MCC: variants seen among roughly 807,000 people sequenced by gnomAD.
MCC encodes MCC regulator of Wnt signaling pathway, also known as colorectal mutant cancer protein.
A neutral mutation model predicts 116.2 loss-of-function variants in MCC; 90 were observed. That is an observed-to-expected ratio of 0.77 (90% confidence interval 0.65 to 0.92). The LOEUF (loss-of-function observed/expected upper bound fraction) is 0.92, where lower values mean the gene tolerates loss of function less well. Among genes scored for constraint, MCC ranks in the 40% least tolerant of loss-of-function variants. MCC has a pLI of 0.00. For synonymous variants in MCC, 578 were observed against 510.5 expected (o/e 1.13, Z -1.78); for missense variants, 1,516 against 1,312.2 (o/e 1.16, Z -2.40).
chr5:113,431,188 A>G (rs986131995), intron 1 of MCC, among the ~76,000 whole-genome samples: 1 of 151,890 alleles, frequency 6.6e-6, no homozygotes, highest in Non-Finnish European at 1.5e-5. Context: ...AGAAGAGATG[A>G]AGAAATGGCT....
At chr5:113,226,741 C>A (rs924993093) in intron 3 of MCC, among the ~76,000 whole-genome samples, 1 of 152,158 alleles carries the variant, frequency 6.6e-6, no homozygotes, top group African/African-American at 2.4e-5. Context: ...CTCTAGGATA[C>A]AAAATTATGG....
chr5:113,216,897 A>G (rs999980060), intron 3 of MCC, among the ~76,000 whole-genome samples: 1 of 152,210 alleles, frequency 6.6e-6, no homozygotes, highest in Admixed American at 6.5e-5. Flanking sequence ...TAATTCCTCT[A>G]TCTCACAGGG....
chr5:113,231,516 G>T (rs1440206965), intron 3 of MCC, among the ~76,000 whole-genome samples: 1 of 152,152 alleles, frequency 6.6e-6, no homozygotes, highest in African/African-American at 2.4e-5. Flanking sequence ...CAGGACATGG[G>T]TGATGTTTCA....
At chr5:113,475,769 C>T (rs1023816930) in intron 1 of MCC, among the ~76,000 whole-genome samples, 1 of 152,080 alleles carries the variant, frequency 6.6e-6, no homozygotes, top group Non-Finnish European at 1.5e-5. Context: ...TGAAAAATCA[C>T]CCTCACCATA....
rs1342320912 is a variant in MCC, at chr5:113,053,782, G to A, written c.2391C>T (p.Asp797=). The A allele has an allele frequency of 1.9e-6, 3 of 1,613,890 alleles. No homozygotes were observed. Among genetic ancestry groups the A allele is most frequent in the Non-Finnish European group, 2.5e-6 (3 of 1,179,812 alleles). The part of the protein sequence containing the change: ...PLSYDVKPRG[D]SQRLDLENAV... ...CGTTTTCCAGATCCAGCCTCTGGCT[G>A]TCTCCCCGAGGCTTGACGTCATAGC... Residue 797 remains aspartate, a synonymous_variant, in exon 15 of 19, where the codon GAC becomes GAT. Transcript: ENST00000408903.
At chr5:113,121,932 A>G (rs1757757008) in intron 6 of MCC, among the ~76,000 whole-genome samples, 1 of 152,206 alleles carries the variant, frequency 6.6e-6, no homozygotes, top group African/African-American at 2.4e-5. Context: ...CCAAATATCC[A>G]GGTAGGCAAG....
At chr5:113,080,072 T>A (rs945885181) in intron 11 of MCC, among the ~76,000 whole-genome samples, 21 of 152,164 alleles carry the variant, frequency 1.4e-4, no homozygotes, top group Non-Finnish European at 2.2e-4. Flanking sequence ...TCACTGGCCA[T>A]CAGAGAAATG....
chr5:113,027,554 G>A, intron 18 of MCC, 72 bp from the exon 19 acceptor site: 2 of 1,351,630 alleles, frequency 1.5e-6, no homozygotes, highest in Non-Finnish European at 2.1e-6. Context: ...CCTGTCCACT[G>A]GATAACCAGA....
At chr5:113,417,301 T>C (rs577904211) in intron 1 of MCC, among the ~76,000 whole-genome samples, 1 of 152,306 alleles carries the variant, frequency 6.6e-6, no homozygotes, top group East Asian at 1.9e-4. Flanking sequence ...GCCTAATATA[T>C]ACCTTTCCAA....
At chr5:113,473,378 G>C (rs912542752) in intron 1 of MCC, among the ~76,000 whole-genome samples, 2 of 151,964 alleles carry the variant, frequency 1.3e-5, no homozygotes, top group African/African-American at 2.4e-5. Context: ...GTTTAAATTA[G>C]CTGGGCATGG....
chr5:113,148,416 A>T, intron 4 of MCC, among the ~76,000 whole-genome samples: 1 of 152,240 alleles, frequency 6.6e-6, no homozygotes, highest in East Asian at 1.9e-4. Context: ...TCTTTTATTC[A>T]ACCAGTTCCA....
At chr5:113,132,915 G>T (rs1314743417) in intron 5 of MCC, among the ~76,000 whole-genome samples, 1 of 152,116 alleles carries the variant, frequency 6.6e-6, no homozygotes, top group Non-Finnish European at 1.5e-5. Context: ...GGCAGTCAAT[G>T]GAATCATTTT....
chr5:113,090,834 T>A (rs1352739362), intron 8 of MCC, among the ~76,000 whole-genome samples: 3 of 152,036 alleles, frequency 2.0e-5, no homozygotes, highest in African/African-American at 7.3e-5. Context: ...TGCATAGAAA[T>A]CCTGCATTAA....
At chr5:113,305,017 A>G (rs1418782417) in intron 3 of MCC, among the ~76,000 whole-genome samples, 3 of 152,104 alleles carry the variant, frequency 2.0e-5, no homozygotes. Flanking sequence ...GGCAAAAAAA[A>G]AAATGAGTAT....
chr5:113,441,662 C>T (rs938835969), intron 1 of MCC, among the ~76,000 whole-genome samples: 2 of 152,148 alleles, frequency 1.3e-5, no homozygotes, highest in African/African-American at 4.8e-5. Flanking sequence ...TAACCCCCTA[C>T]CCTGGACAGG....
intron 1 of MCC, chr5:113,433,972 T>C: frequency 1.2e-6 from 2 of 1,613,958 alleles, no homozygotes; most frequent in Non-Finnish European, 1.7e-6. Context: ...CCCCGGGAAC[T>C]CTCCCCCTCC....
At chr5:113,285,098 C>G (rs1193174649) in intron 3 of MCC, among the ~76,000 whole-genome samples, 2 of 151,802 alleles carry the variant, frequency 1.3e-5, no homozygotes, top group African/African-American at 4.8e-5. Context: ...CTGAAGATGT[C>G]AAAAAAATAA....
At chr5:113,132,873 T>C (rs892312622) in intron 5 of MCC, among the ~76,000 whole-genome samples, 1 of 152,186 alleles carries the variant, frequency 6.6e-6, no homozygotes, top group Non-Finnish European at 1.5e-5. Context: ...GTTGGCTCAG[T>C]GGCATGGGGT....
At chr5:113,478,168 A>T (rs1458811123) in intron 1 of MCC, among the ~76,000 whole-genome samples, 2 of 152,182 alleles carry the variant, frequency 1.3e-5, no homozygotes, top group Non-Finnish European at 2.9e-5. Context: ...AGGGAACCCA[A>T]CTTTCCTGGC....
Sources: allele counts gnomAD v4.1 joint callset (sites outside exome capture counted in the v4.1 genomes callset), GRCh38; gene constraint gnomAD v4.1.1; transcripts MANE v1.5; gene names NCBI Gene and HGNC (gene_info 2026-07-23, HGNC 2026-07-21).